Variants in FBN1 observed in about 807,000 individuals in gnomAD.
FBN1 encodes the protein fibrillin 1.
Under a neutral mutation model 365.1 loss-of-function variants are expected in FBN1, and 29 were observed. The observed-to-expected ratio is 0.08, with a 90% CI of 0.06 to 0.11. The LOEUF (loss-of-function observed/expected upper bound fraction) is 0.11, where lower values mean the gene tolerates loss of function less well. Ranked by LOEUF, FBN1 falls within the 10% of genes least tolerant of loss-of-function variation. The pLI is 1.00. For missense variants in FBN1, 2,476 were observed against 3,703.2 expected (o/e 0.67, Z 8.60); for synonymous variants, 1,210 against 1,270.5 (o/e 0.95, Z 1.01).
chr15:48,538,051 G>A (rs777099628), intron 6 of FBN1, among the ~76,000 whole-genome samples: 1 of 152,196 alleles, frequency 6.6e-6, no homozygotes, highest in Non-Finnish European at 1.5e-5. Context: ...GGCATTGTGA[G>A]GATCAGGCGA....
At chr15:48,607,569 T>C (rs975194614) in intron 4 of FBN1, among the ~76,000 whole-genome samples, 1 of 151,326 alleles carries the variant, frequency 6.6e-6, no homozygotes, top group Non-Finnish European at 1.5e-5. Context: ...CCTTCTGCCA[T>C]GTGAGGACAC....
chr15:48,601,796 T>A (rs1197702996), intron 4 of FBN1, among the ~76,000 whole-genome samples: 2 of 152,142 alleles, frequency 1.3e-5, no homozygotes, highest in African/African-American at 4.8e-5. Context: ...CACAAAGAAG[T>A]TAGGTTGAGT....
chr15:48,473,235 T>A (rs1189276109), intron 34 of FBN1, among the ~76,000 whole-genome samples: 2 of 152,214 alleles, frequency 1.3e-5, no homozygotes, highest in South Asian at 2.1e-4. Flanking sequence ...AATGATTTCA[T>A]CTGAGATAAA....
intron 9 of FBN1, among the ~76,000 whole-genome samples, chr15:48,521,117 A>T (rs528608312): frequency 7.2e-5 from 11 of 152,322 alleles, no homozygotes; most frequent in Non-Finnish European, 1.0e-4. Context: ...AGACTAAGAA[A>T]ATCACTAGCA....
intron 6 of FBN1, among the ~76,000 whole-genome samples, chr15:48,574,584 T>G (rs1223525506): frequency 1.3e-5 from 2 of 152,048 alleles, no homozygotes; most frequent in Admixed American, 1.3e-4. Flanking sequence ...AAAAACATAT[T>G]AAGCACCTAC....
chr15:48,613,628 A>C (rs2044673802), intron 2 of FBN1, among the ~76,000 whole-genome samples: 1 of 152,168 alleles, frequency 6.6e-6, no homozygotes, highest in Non-Finnish European at 1.5e-5. Context: ...ATATTTCTTT[A>C]GCAAAAGTTT....
In FBN1 at chr15:48,410,888, G is replaced by C. The variant is rs2042855161; in HGVS notation, c.*102C>G. 1.7e-6 allele frequency: 2 copies of C among 1,170,840 alleles called. No individual in the cohort carries two copies. The highest frequency in any genetic ancestry group is 5.0e-5 in the East Asian group (2 of 39,708). 72.5% of individuals were successfully genotyped at this position (1,170,840 alleles called of 1,614,324 possible). On this transcript the variant is annotated 3_prime_UTR_variant, in exon 66 of 66. Transcript: ENST00000316623. ...GCTTATTTATACAAATTTACTTGGT[G>C]AAAGATTGTACCTATGATATGATGA...
chr15:48,632,451 G>C (rs1485350173), intron 2 of FBN1, among the ~76,000 whole-genome samples: 1 of 152,108 alleles, frequency 6.6e-6, no homozygotes, highest in African/African-American at 2.4e-5. Context: ...TTAAATCTTA[G>C]GACAACACAG....
At chr15:48,432,828 G>C in intron 55 of FBN1, 38 bp downstream of exon 55, 1 of 1,612,462 alleles carries the variant, frequency 6.2e-7, no homozygotes, top group Non-Finnish European at 8.5e-7. Context: ...CACAGATAAA[G>C]CTTCCTGGCT....
intron 58 of FBN1, among the ~76,000 whole-genome samples, chr15:48,426,848 A>G (rs980853754): frequency 8.6e-5 from 13 of 151,882 alleles, no homozygotes; most frequent in Non-Finnish European, 1.9e-4. Flanking sequence ...TTTTTAAATC[A>G]CATCCAGTTC....
At position 48,427,596 on chromosome 15, in the gene FBN1, T is replaced by C. The variant is rs767941347; in HGVS notation, c.7175A>G (p.His2392Arg). The stretch of plus-strand genomic sequence containing the variant: ...TCCATTGGTCATGAATCCTCGGCCA[T>C]GGGGACAGAGTTTCTTGAAAGCCAC... The part of the protein sequence containing the change: ...GTVAFKKLCP[H>R]GRGFMTNGAD... The change falls in exon 58 of 66, where the codon CAT becomes CGT. Residue 2392 changes from histidine (H) to arginine (R), a missense_variant. By Grantham distance (29) the His-to-Arg change is conservative. Around this residue, in one of 5 missense-constraint regions of FBN1, gnomAD observed 1,780 missense variants for 2,840.8 expected, o/e 0.63. Transcript: ENST00000316623. The C allele has an allele frequency of 1.9e-6, 3 of 1,614,178 alleles. No individual in the cohort carries two copies. The highest frequency in any genetic ancestry group is 1.7e-5 in the Admixed American group (1 of 60,024).
chr15:48,457,197 A>G (rs2043247132), intron 43 of FBN1, among the ~76,000 whole-genome samples: 1 of 152,120 alleles, frequency 6.6e-6, no homozygotes, highest in African/African-American at 2.4e-5. Context: ...GATCTTTCAA[A>G]TTCCAGTTTA....
chr15:48,411,275 G>A lies in FBN1; in HGVS notation c.8331C>T (p.Ile2777=). The A allele has an allele frequency of 1.2e-6, 2 of 1,614,058 alleles. No individual in the cohort carries two copies. Among genetic ancestry groups the A allele is most frequent in the South Asian group, 2.2e-5 (2 of 91,076 alleles). Residue 2777 remains isoleucine, a synonymous_variant, in exon 66 of 66, where the codon ATC becomes ATT. Coordinates refer to ENST00000316623, the MANE Select transcript of FBN1 (RefSeq NM_000138.5). ...NISHVSNKVR[I]LELLPALTTL... ...TTGTAAGAGCTGGAAGGAGTTCTAG[G>A]ATTCGAACCTTGTTACTGACGTGGG...
intron 64 of FBN1, among the ~76,000 whole-genome samples, chr15:48,414,093 A>G (rs2042883994): frequency 6.6e-6 from 1 of 152,216 alleles, no homozygotes; most frequent in African/African-American, 2.4e-5. Context: ...CAGTATTTTC[A>G]TATCCCGGGA....
intron 4 of FBN1, among the ~76,000 whole-genome samples, chr15:48,608,138 CA>C (rs2044628521): frequency 6.6e-6 from 1 of 152,210 alleles, no homozygotes; most frequent in Admixed American, 6.5e-5. Flanking sequence ...ACTAAGAGAT[CA>C]TTTTCTATTC....
At chr15:48,579,120 T>C (rs560182202) in intron 6 of FBN1, among the ~76,000 whole-genome samples, 1 of 151,800 alleles carries the variant, frequency 6.6e-6, no homozygotes, top group South Asian at 2.1e-4. Flanking sequence ...AGCACAGCTT[T>C]GAAAGGAGGG....
intron 2 of FBN1, among the ~76,000 whole-genome samples, chr15:48,632,671 C>A (rs1333746668): frequency 6.6e-6 from 1 of 152,130 alleles, no homozygotes; most frequent in Non-Finnish European, 1.5e-5. Context: ...AAAATATGGT[C>A]CCACAATCAA....
At chr15:48,446,887 G>A (rs977057213) in intron 46 of FBN1, 65 bp from the exon 47 acceptor site, 1 of 1,109,486 alleles carries the variant, frequency 9.0e-7, no homozygotes, top group Non-Finnish European at 1.4e-6. Context: ...CACGGTTACA[G>A]TGGCTAAAGA....
intron 6 of FBN1, among the ~76,000 whole-genome samples, chr15:48,590,624 TC>T (rs2140703099): frequency 6.6e-6 from 1 of 152,354 alleles, no homozygotes; most frequent in Non-Finnish European, 1.5e-5. Context: ...TGTTGTTTGT[TC>T]TATTCTGTTT....
Sources: allele counts gnomAD v4.1 joint callset (sites outside exome capture counted in the v4.1 genomes callset), GRCh38; gene constraint gnomAD v4.1.1; regional missense constraint gnomAD v4.1.1; transcripts MANE v1.5; gene names NCBI Gene and HGNC (gene_info 2026-07-23, HGNC 2026-07-21).